The following TMC1 variants were observed in gnomAD, a reference collection of about 807,000 sequenced individuals.
The protein encoded by TMC1 is transmembrane channel like 1, also known as transmembrane channel-like protein 1.
A neutral mutation model predicts 105.8 loss-of-function variants in TMC1; 84 were observed. That is an observed-to-expected ratio of 0.79 (90% CI 0.67 to 0.95). The LOEUF (loss-of-function observed/expected upper bound fraction) is 0.95, where lower values mean the gene tolerates loss of function less well. Ranked by LOEUF, TMC1 falls within the 40% of genes least tolerant of loss-of-function variation. The pLI is 0.00. For synonymous variants in TMC1, 315 were observed against 311.5 expected (o/e 1.01, Z -0.12); for missense variants, 817 against 914.1 (o/e 0.89, Z 1.37).
intron 5 of TMC1, among the ~76,000 whole-genome samples, chr9:72,676,446 G>A (rs1018818302): frequency 6.6e-6 from 1 of 152,138 alleles, no homozygotes; most frequent in Admixed American, 6.6e-5. Flanking sequence ...TTCTGTACCA[G>A]GCACTGTATT....
chr9:72,789,310 A>T lies in TMC1; in HGVS notation c.1217A>T (p.Lys406Ile). 1 of 1,613,950 alleles carries T rather than the reference A, an allele frequency of 6.2e-7. No homozygotes were observed. Among genetic ancestry groups the T allele is most frequent in the Non-Finnish European group, 8.5e-7 (1 of 1,179,854 alleles). The change falls in exon 15 of 24, where the codon AAA (lysine) becomes ATA (isoleucine). Residue 406 changes from lysine (K) to isoleucine (I), a missense_variant. Coordinates refer to ENST00000297784, the MANE Select transcript of TMC1 (RefSeq NM_138691.3). ...QDPDTLGWWE[K>I]NEMNMVMSLL... is the part of the protein sequence containing the mutation. ...CCTGACACCCTTGGGTGGTGGGAAAAAAATGAAGTTCGTCTCTGCATGCTT... is the reference window on the plus strand; with the variant it reads ...CCTGACACCCTTGGGTGGTGGGAAATAAATGAAGTTCGTCTCTGCATGCTT...
In TMC1 at chr9:72,772,499, C is replaced by T. The variant is rs1018030860; in HGVS notation, c.828C>T (p.Ser276=). 1 of 1,613,912 alleles carries T rather than the reference C, an allele frequency of 6.2e-7. No homozygotes were observed. Among genetic ancestry groups the T allele is most frequent in the African/African-American group, 1.3e-5 (1 of 75,014 alleles). The change falls in exon 13 of 24, where the codon TCC becomes TCT. Residue 276 remains serine (S), a synonymous_variant. Coordinates refer to ENST00000297784, the MANE Select transcript of TMC1 (RefSeq NM_138691.3). ...IGWMNFRLPL[S]YFLVGIMCIG... is the part of the protein sequence containing the mutation. ...GGATGAATTTCAGGTTGCCGCTCTC[C>T]TATTTTCTAGTGGGGATTATGTGCA...
chr9:72,550,305 T>G lies in TMC1; in HGVS notation c.-427-27597T>G, dbSNP rs553047563. Among the ~76,000 whole-genome samples, 381 of 151,820 alleles carry G rather than the reference T, an allele frequency of 2.5e-3. 4 individuals are homozygous for G. The highest frequency in any genetic ancestry group is 6.0e-4 in the Non-Finnish European group (41 of 67,942). On this transcript the variant is annotated intron_variant, in intron 1 of 23. Coordinates refer to ENST00000297784, the MANE Select transcript of TMC1 (RefSeq NM_138691.3). ...CAAAATGGTGAAACCCTGTCTCTAC[T>G]AAAAATACAAAAATTAGCTGGGCGT...
intron 6 of TMC1, among the ~76,000 whole-genome samples, chr9:72,689,885 G>T (rs1826437044): frequency 6.6e-6 from 1 of 151,758 alleles, no homozygotes; most frequent in African/African-American, 2.4e-5. Context: ...CTTTTCTTTG[G>T]TTTCTTTTTT....
chr9:72,780,943 G>A (rs1026367885), intron 13 of TMC1, among the ~76,000 whole-genome samples: 1 of 152,128 alleles, frequency 6.6e-6, no homozygotes, highest in Non-Finnish European at 1.5e-5. Flanking sequence ...TTTGGGACCT[G>A]AACTCAACAC....
intron 1 of TMC1, among the ~76,000 whole-genome samples, chr9:72,572,555 A>G (rs1219039471): frequency 6.6e-6 from 1 of 152,216 alleles, no homozygotes; most frequent in Non-Finnish European, 1.5e-5. Context: ...ACATGGGACT[A>G]AAGGAGGTGC....
intron 8 of TMC1, among the ~76,000 whole-genome samples, chr9:72,736,563 A>G (rs917852179): frequency 1.3e-5 from 2 of 152,232 alleles, no homozygotes; most frequent in Non-Finnish European, 2.9e-5. Flanking sequence ...TTATCTGTTA[A>G]ATAACTAGAG....
intron 17 of TMC1, 89 bp downstream of exon 17, chr9:72,792,441 G>T: frequency 4.6e-6 from 7 of 1,508,904 alleles, no homozygotes; most frequent in Non-Finnish European, 2.8e-6. Flanking sequence ...TTAAAAAATT[G>T]CTTATTAGTA....
chr9:72,776,612 C>T (rs72733071), intron 13 of TMC1, among the ~76,000 whole-genome samples: 15,250 of 152,138 alleles, frequency 0.1, 873 homozygotes, highest in Non-Finnish European at 0.14. Context: ...TTACACCTTG[C>T]CACCTCTCTG....
chr9:72,554,555 G>T (rs1823901323), intron 1 of TMC1, among the ~76,000 whole-genome samples: 1 of 152,118 alleles, frequency 6.6e-6, no homozygotes, highest in African/African-American at 2.4e-5. Context: ...CTTGACCTTT[G>T]TATTTTAGAG....
intron 2 of TMC1, among the ~76,000 whole-genome samples, chr9:72,609,523 G>C (rs1030482564): frequency 2.0e-5 from 3 of 147,838 alleles, no homozygotes; most frequent in Non-Finnish European, 4.4e-5. Flanking sequence ...CTGGGTGACA[G>C]AGTGAGTGAG....
chr9:72,564,328 T>C (rs1189934277), intron 1 of TMC1, among the ~76,000 whole-genome samples: 1 of 152,212 alleles, frequency 6.6e-6, no homozygotes, highest in Non-Finnish European at 1.5e-5. Context: ...AAACAAACTT[T>C]ATCCTGAACA....
intron 19 of TMC1, among the ~76,000 whole-genome samples, chr9:72,819,076 G>A (rs1051154363): frequency 3.9e-5 from 6 of 152,236 alleles, no homozygotes; most frequent in East Asian, 1.9e-4. Context: ...CCTCAAAATC[G>A]TAGCAGCTCA....
At chr9:72,753,959 C>T (rs548746469) in intron 11 of TMC1, among the ~76,000 whole-genome samples, 3 of 152,278 alleles carry the variant, frequency 2.0e-5, no homozygotes, top group Admixed American at 6.5e-5. Context: ...GGTTGTGCAG[C>T]TTGTGCACAG....
At chr9:72,778,597 T>G (rs1304863434) in intron 13 of TMC1, among the ~76,000 whole-genome samples, 1 of 152,164 alleles carries the variant, frequency 6.6e-6, no homozygotes, top group Non-Finnish European at 1.5e-5. Flanking sequence ...AAGGAAGGAC[T>G]GCAGTAGAGC....
intron 8 of TMC1, among the ~76,000 whole-genome samples, chr9:72,725,351 A>G (rs1366647337): frequency 0.013 from 1,109 of 86,336 alleles, 48 homozygotes; most frequent in African/African-American, 0.046. Flanking sequence ...ATATATATAT[A>G]TATATATATA....
chr9:72,722,827 G>C (rs951752476), intron 8 of TMC1, among the ~76,000 whole-genome samples: 1 of 152,088 alleles, frequency 6.6e-6, no homozygotes, highest in Admixed American at 6.6e-5. Context: ...GCCAATTTCC[G>C]TGGTGTAAAT....
chr9:72,561,611 G>T (rs1395852505), intron 1 of TMC1, among the ~76,000 whole-genome samples: 1 of 152,202 alleles, frequency 6.6e-6, no homozygotes, highest in Non-Finnish European at 1.5e-5. Flanking sequence ...TTCAGCTTAA[G>T]TCTCACAGCC....
chr9:72,604,780 A>G (rs1257036548), intron 2 of TMC1, among the ~76,000 whole-genome samples: 1 of 152,256 alleles, frequency 6.6e-6, no homozygotes, highest in African/African-American at 2.4e-5. Flanking sequence ...AAAACAGTTT[A>G]AAGAACCTCA....
Sources: gnomAD v4.1 joint callset for allele counts (sites outside exome capture counted in the v4.1 genomes callset) on GRCh38, gnomAD v4.1.1 for gene constraint, MANE v1.5 for transcripts, NCBI Gene and HGNC (gene_info 2026-07-23, HGNC 2026-07-21) for gene names.